NRG1: variants seen among roughly 807,000 people sequenced by gnomAD.
The protein encoded by NRG1 is pro-neuregulin-1, membrane-bound isoform.
In NRG1, 18 loss-of-function variants were observed where a neutral mutation model predicts 63.8. The observed-to-expected ratio is 0.28, with a 90% CI of 0.19 to 0.42. The LOEUF (loss-of-function observed/expected upper bound fraction) is 0.42, where lower values mean the gene tolerates loss of function less well. NRG1 is among the 10% of genes least tolerant of loss of function. The pLI, the probability that NRG1 is intolerant of heterozygous loss-of-function variation, is 1.00. For synonymous variants in NRG1, 302 were observed against 301.3 expected, an observed-to-expected ratio of 1.00 and a Z score of -0.02; for missense variants, 762 against 814.7, an observed-to-expected ratio of 0.94 and a Z score of 0.79.
intron 1 of NRG1, among the ~76,000 whole-genome samples, chr8:31,679,738 A>G (rs1808119345): frequency 6.6e-6 from 1 of 152,136 alleles, no homozygotes; most frequent in African/African-American, 2.4e-5. Context: ...GAAAAAGAAG[A>G]ATTATTAGTA....
intron 9 of NRG1, among the ~76,000 whole-genome samples, chr8:32,758,575 C>CAAAAA: frequency 1.3e-5 from 1 of 74,530 alleles, no homozygotes; most frequent in South Asian, 7.0e-4. Context: ...GACTCCATCT[C>CAAAAA]AAAAAAAAAA....
chr8:32,436,495 T>C (rs1412240337), intron 1 of NRG1, among the ~76,000 whole-genome samples: 2 of 152,200 alleles, frequency 1.3e-5, no homozygotes, highest in African/African-American at 2.4e-5. Flanking sequence ...TCCAGTAACC[T>C]TTTGATTTCT....
chr8:32,244,073 G>A (rs1408145672), intron 1 of NRG1, among the ~76,000 whole-genome samples: 1 of 152,128 alleles, frequency 6.6e-6, no homozygotes, highest in Non-Finnish European at 1.5e-5. Context: ...GGACTTTTAG[G>A]AAATGTGGAT....
At chr8:32,244,913 T>G (rs1563225357) in intron 1 of NRG1, among the ~76,000 whole-genome samples, 1 of 152,200 alleles carries the variant, frequency 6.6e-6, no homozygotes, top group Non-Finnish European at 1.5e-5. Flanking sequence ...AGTTTAACCC[T>G]GAGCATACCA....
At chr8:31,868,726 T>G (rs1356429097) in intron 1 of NRG1, among the ~76,000 whole-genome samples, 1 of 152,222 alleles carries the variant, frequency 6.6e-6, no homozygotes, top group East Asian at 1.9e-4. Context: ...CCTCACTGAA[T>G]CCTCACAGTC....
At chr8:32,277,753 A>G (rs1446510826) in intron 1 of NRG1, among the ~76,000 whole-genome samples, 10 of 152,206 alleles carry the variant, frequency 6.6e-5, no homozygotes, top group African/African-American at 9.6e-5. Flanking sequence ...AGCATTCTGC[A>G]TACCTGGGAG....
chr8:31,698,662 G>A (rs1412310117), intron 1 of NRG1, among the ~76,000 whole-genome samples: 1 of 152,140 alleles, frequency 6.6e-6, no homozygotes, highest in Non-Finnish European at 1.5e-5. Flanking sequence ...ATTAGCATGG[G>A]TCTTTGTCTG....
chr8:31,760,700 A>C (rs1181395295), intron 1 of NRG1, among the ~76,000 whole-genome samples: 2 of 152,232 alleles, frequency 1.3e-5, no homozygotes, highest in East Asian at 3.9e-4. Context: ...CGCATGAAAA[A>C]ATGCTCATCA....
intron 1 of NRG1, among the ~76,000 whole-genome samples, chr8:32,475,855 C>T (rs954542539): frequency 6.6e-5 from 10 of 152,162 alleles, no homozygotes; most frequent in Non-Finnish European, 1.5e-5. Flanking sequence ...AAGTTATTTG[C>T]AATAAAAATT....
intron 1 of NRG1, among the ~76,000 whole-genome samples, chr8:31,929,092 C>G (rs929166921): frequency 6.6e-6 from 1 of 152,146 alleles, no homozygotes; most frequent in Non-Finnish European, 1.5e-5. Flanking sequence ...CTGAGACAAG[C>G]TATGATCACA....
intron 1 of NRG1, among the ~76,000 whole-genome samples, chr8:32,435,267 G>A (rs1017143736): frequency 6.6e-6 from 1 of 152,110 alleles, no homozygotes; most frequent in Non-Finnish European, 1.5e-5. Flanking sequence ...TATTGGTTAG[G>A]TGGGCCAAGG....
chr8:31,796,267 T>TAG lies in NRG1; in HGVS notation c.37+156836_37+156837insAG, dbSNP rs747325327. Among the ~76,000 whole-genome samples the TAG allele has an allele frequency of 5.9e-3, 904 of 152,104 alleles. 4 individuals are homozygous for TAG. Among genetic ancestry groups the TAG allele is most frequent in the Non-Finnish European group, 9.6e-3 (651 of 67,968 alleles). On this transcript the variant is annotated intron_variant, in intron 1 of 10. Transcript: ENST00000519301. ...TGTGCATATAGAAGCTCAGTGATCT[T>TAG]TTTATTCTGTTTTACTCAGGCTATT...
At chr8:31,997,457 G>A (rs1255960997) in intron 1 of NRG1, among the ~76,000 whole-genome samples, 5 of 151,802 alleles carry the variant, frequency 3.3e-5, no homozygotes, top group Admixed American at 1.3e-4. Flanking sequence ...TAGAAATAAC[G>A]CTTCACATTT....
chr8:31,791,442 C>T (rs1820700795), intron 1 of NRG1, among the ~76,000 whole-genome samples: 1 of 152,066 alleles, frequency 6.6e-6, no homozygotes, highest in African/African-American at 2.4e-5. Context: ...AAATGTTTGC[C>T]ACCTCCTATC....
downstream of NRG1, among the ~76,000 whole-genome samples, chr8:32,770,019 A>G (rs746193931): frequency 6.6e-6 from 1 of 152,218 alleles, no homozygotes; most frequent in Non-Finnish European, 1.5e-5. Context: ...AAGAAGAGAC[A>G]GAGAATGGGA....
At chr8:32,654,836 G>A (rs935705791) in intron 5 of NRG1, among the ~76,000 whole-genome samples, 2 of 152,096 alleles carry the variant, frequency 1.3e-5, no homozygotes, top group African/African-American at 2.4e-5. Flanking sequence ...GGAGATTTAT[G>A]TTCCTAGCAG....
At position 31,848,930 on chromosome 8, in the gene NRG1, C is replaced by T. The variant is rs182464808; in HGVS notation, c.37+209499C>T. Among the ~76,000 whole-genome samples the T allele has an allele frequency of 1.6e-3, 237 of 152,268 alleles. 2 individuals carry two copies. Among genetic ancestry groups the T allele is most frequent in the African/African-American group, 5.4e-3 (223 of 41,558 alleles). ...ATACATAATGCACTTAAATCATCTC[C>T]AAACCATCCCCCACTGCCACCCTGG... On this transcript the variant is annotated intron_variant, in intron 1 of 10. Coordinates refer to the NRG1 transcript ENST00000519301.
chr8:32,085,305 CT>C (rs1489504060), intron 1 of NRG1, among the ~76,000 whole-genome samples: 1 of 152,206 alleles, frequency 6.6e-6, no homozygotes, highest in African/African-American at 2.4e-5. Context: ...ACATTTCTGC[CT>C]TGTGCTAGAA....
In NRG1 at chr8:32,352,920, G is replaced by T. The variant is rs975588087; in HGVS notation, c.38-242908G>T. 1.5e-3 allele frequency among the ~76,000 whole-genome samples: 219 copies of T among 142,886 alleles called. 1 individual carries two copies. The Middle Eastern group carries it at 0.022, about 14-fold the overall frequency. 93.7% of individuals were successfully genotyped at this position (142,886 alleles called of 152,430 possible). ...ATATACATATATATATATATAGAGAGAGAGAGAGACTATATATATGTGTGT... is the reference window on the plus strand; with the variant it reads ...ATATACATATATATATATATAGAGATAGAGAGAGACTATATATATGTGTGT... On this transcript the variant is annotated intron_variant, in intron 1 of 10. Coordinates refer to the NRG1 transcript ENST00000519301.
Sources: gnomAD v4.1 joint callset for allele counts (sites outside exome capture counted in the v4.1 genomes callset) on GRCh38, gnomAD v4.1.1 for gene constraint, MANE v1.5 for transcripts, NCBI Gene and HGNC (gene_info 2026-07-23, HGNC 2026-07-21) for gene names.